Variants in MAD1L1 observed in about 807,000 individuals in gnomAD.
MAD1L1 encodes mitotic spindle assembly checkpoint protein MAD1.
A neutral mutation model predicts 96.9 loss-of-function variants in MAD1L1; 95 were observed. The observed-to-expected ratio is 0.98, with a 90% CI of 0.83 to 1.16. The LOEUF (loss-of-function observed/expected upper bound fraction) is 1.16, where lower values mean the gene tolerates loss of function less well. Ranked by LOEUF, MAD1L1 falls within the 50% of genes most tolerant of loss-of-function variation. The pLI is 0.00. For missense variants in MAD1L1, 1,007 were observed against 954.4 expected, an observed-to-expected ratio of 1.06 and a Z score of -0.73; for synonymous variants, 473 against 396.6, an observed-to-expected ratio of 1.19 and a Z score of -2.29.
intron 10 of MAD1L1, chr7:2,193,435 G>C (rs1791824488): frequency 6.6e-6 from 1 of 152,560 alleles, no homozygotes; most frequent in Non-Finnish European, 1.5e-5. Context: ...GCTGTGCTGA[G>C]TTTCAGCACA....
intron 11 of MAD1L1, among the ~76,000 whole-genome samples, chr7:2,105,969 G>GCCCTGCCCCTGC (rs1222923945): frequency 1.5e-5 from 2 of 136,902 alleles, no homozygotes; most frequent in Admixed American, 7.5e-5. Context: ...CAACACCTCA[G>GCCCTGCCCCTGC]CCCTGCCCCT....
intron 3 of MAD1L1, among the ~76,000 whole-genome samples, chr7:2,228,801 C>T (rs1166266354): frequency 1.3e-5 from 2 of 151,292 alleles, no homozygotes; most frequent in Non-Finnish European, 2.9e-5. Context: ...AGTGCGGTGG[C>T]GCAATCTCAG....
At chr7:2,019,611 C>G (rs555411990) in intron 12 of MAD1L1, among the ~76,000 whole-genome samples, 3 of 152,310 alleles carry the variant, frequency 2.0e-5, no homozygotes, top group Non-Finnish European at 4.4e-5. Flanking sequence ...GGGCCACTTA[C>G]GGCCACAGGG....
rs1178319314 is a variant in MAD1L1 at position 1,876,951 on chromosome 7, G to A, written c.1998+21249C>T. 2.4e-5 allele frequency among the ~76,000 whole-genome samples: 3 copies of A among 124,982 alleles called. 1 individual carries two copies. The highest frequency in any genetic ancestry group is 8.3e-5 in the African/African-American group (3 of 36,212). 82.0% of individuals were successfully genotyped at this position (124,982 alleles called of 152,430 possible). ...GGTCCTCCTCCCACTACTGCCAGAAGCAGTAAATATGTGAATACAGTTCAC... is the reference window on the plus strand; with the variant it reads ...GGTCCTCCTCCCACTACTGCCAGAAACAGTAAATATGTGAATACAGTTCAC... On this transcript the variant is annotated intron_variant, in intron 18 of 18. Transcript: ENST00000265854.
At chr7:1,942,122 T>C (rs966053336) in intron 16 of MAD1L1, among the ~76,000 whole-genome samples, 2 of 152,162 alleles carry the variant, frequency 1.3e-5, no homozygotes, top group Non-Finnish European at 2.9e-5. Context: ...CACCTGTCTG[T>C]CCATCTGACA....
intron 11 of MAD1L1, chr7:2,148,635 C>A (rs947447100): frequency 6.5e-6 from 1 of 152,930 alleles, no homozygotes; most frequent in Non-Finnish European, 1.5e-5. Flanking sequence ...AAGAGCCGGG[C>A]TGTGGGATAA....
chr7:2,141,394 C>A (rs912394909), intron 11 of MAD1L1, among the ~76,000 whole-genome samples: 1 of 152,348 alleles, frequency 6.6e-6, no homozygotes, highest in Non-Finnish European at 1.5e-5. Context: ...ATCTCAGGCC[C>A]AGCAGCCAGC....
chr7:2,120,918 C>A (rs1027657189), intron 11 of MAD1L1, among the ~76,000 whole-genome samples: 3 of 152,202 alleles, frequency 2.0e-5, no homozygotes, highest in African/African-American at 4.8e-5. Context: ...AAGGTCTTCA[C>A]CCCTGCACCT....
chr7:2,080,111 C>T, intron 11 of MAD1L1: 1 of 195,298 alleles, frequency 5.1e-6, no homozygotes, highest in South Asian at 8.9e-5. Context: ...GCGGGTGGGC[C>T]AGCCTCGAGG....
At chr7:1,845,034 T>G (rs1783516348) in intron 18 of MAD1L1, among the ~76,000 whole-genome samples, 1 of 152,110 alleles carries the variant, frequency 6.6e-6, no homozygotes, top group Non-Finnish European at 1.5e-5. Flanking sequence ...GGGCACAGGG[T>G]CTGTGCAGCC....
At chr7:2,180,004 C>T (rs1791124795) in intron 10 of MAD1L1, among the ~76,000 whole-genome samples, 1 of 152,048 alleles carries the variant, frequency 6.6e-6, no homozygotes, top group African/African-American at 2.4e-5. Flanking sequence ...AAAGAAAGTC[C>T]TGTCTTGATT....
rs545025688 is a variant in MAD1L1 at position 1,977,470 on chromosome 7, C to T, written c.1505+2983G>A. ...CGCACTGGCCTGTGAGCACCACGCA[C>T]GCAACCCCAGTTCCTGCCTGCGCCT... On this transcript the variant is annotated intron_variant, in intron 15 of 18. Transcript: ENST00000265854. Among the ~76,000 whole-genome samples the T allele has an allele frequency of 2.7e-3, 414 of 152,330 alleles. 2 individuals are homozygous for T. Among genetic ancestry groups the T allele is most frequent in the African/African-American group, 9.4e-3 (391 of 41,578 alleles).
chr7:2,110,466 C>T (rs1787323578), intron 11 of MAD1L1, among the ~76,000 whole-genome samples: 1 of 152,202 alleles, frequency 6.6e-6, no homozygotes, highest in Non-Finnish European at 1.5e-5. Context: ...GAAGCATCTA[C>T]TTCTATTAAT....
At chr7:2,222,780 C>A in intron 4 of MAD1L1, 26 bp from the exon 5 acceptor site, 2 of 1,551,556 alleles carry the variant, frequency 1.3e-6, no homozygotes, top group African/African-American at 1.4e-5. Context: ...GAGTCAGATG[C>A]CACGTGCCGC....
intron 12 of MAD1L1, among the ~76,000 whole-genome samples, chr7:2,015,192 G>A (rs1782481196): frequency 6.6e-6 from 1 of 152,218 alleles, no homozygotes; most frequent in Non-Finnish European, 1.5e-5. Context: ...GGAAGCTGCT[G>A]CGTTCCAATG....
At chr7:1,899,246 TA>T in intron 17 of MAD1L1, among the ~76,000 whole-genome samples, 1 of 152,210 alleles carries the variant, frequency 6.6e-6, no homozygotes, top group East Asian at 1.9e-4. Flanking sequence ...TCCAAGTAGT[TA>T]AACCTCGATT....
chr7:1,888,383 T>TAC (rs1723690015), intron 18 of MAD1L1, among the ~76,000 whole-genome samples: 1 of 147,382 alleles, frequency 6.8e-6, no homozygotes, highest in South Asian at 2.2e-4. Context: ...TGGCTGCCTA[T>TAC]GCGTGTGTGT....
intron 16 of MAD1L1, among the ~76,000 whole-genome samples, chr7:1,941,970 AG>A (rs1198240171): frequency 3.9e-5 from 6 of 152,184 alleles, no homozygotes; most frequent in Admixed American, 3.9e-4. Context: ...GAGAAGGCAG[AG>A]CCCCTAGAGG....
At chr7:2,009,528 AG>A (rs771558318) in intron 13 of MAD1L1, among the ~76,000 whole-genome samples, 1 of 152,178 alleles carries the variant, frequency 6.6e-6, no homozygotes, top group Non-Finnish European at 1.5e-5. Flanking sequence ...GGCACACCAC[AG>A]GGTCCCCACA....
Sources: allele counts gnomAD v4.1 joint callset (sites outside exome capture counted in the v4.1 genomes callset), GRCh38; gene constraint gnomAD v4.1.1; transcripts MANE v1.5; gene names NCBI Gene and HGNC (gene_info 2026-07-23, HGNC 2026-07-21).